The following SLC39A11 variants were observed in gnomAD, a reference collection of about 807,000 sequenced individuals.
SLC39A11 encodes the protein solute carrier family 39 member 11, also known as zinc transporter ZIP11.
In SLC39A11, 33 loss-of-function variants were observed where a neutral mutation model predicts 36.1. That is an observed-to-expected ratio of 0.91 (90% CI 0.69 to 1.22). The LOEUF (loss-of-function observed/expected upper bound fraction) is 1.22, where lower values mean the gene tolerates loss of function less well. Ranked by LOEUF, SLC39A11 falls within the 50% of genes most tolerant of loss-of-function variation. The pLI, the probability that SLC39A11 is intolerant of heterozygous loss-of-function variation, is 0.00. For missense variants in SLC39A11, 432 were observed against 430.3 expected, an observed-to-expected ratio of 1.00 and a Z score of -0.03; for synonymous variants, 166 against 170.3, an observed-to-expected ratio of 0.97 and a Z score of 0.20.
intron 3 of SLC39A11, among the ~76,000 whole-genome samples, chr17:73,080,955 A>AAAATAAATAAATAAAT (rs137991770): frequency 6.8e-6 from 1 of 146,908 alleles, no homozygotes; most frequent in East Asian, 2.0e-4. Context: ...AAAAAACAAT[A>AAAATAAATAAATAAAT]AAATAAATAA....
At chr17:73,050,992 G>A (rs1002387013) in intron 3 of SLC39A11, among the ~76,000 whole-genome samples, 5 of 152,216 alleles carry the variant, frequency 3.3e-5, no homozygotes, top group African/African-American at 4.8e-5. Flanking sequence ...GAATGTATTG[G>A]TTTCCTGGAG....
intron 5 of SLC39A11, among the ~76,000 whole-genome samples, chr17:72,869,594 G>A (rs2080497160): frequency 6.6e-6 from 1 of 152,146 alleles, no homozygotes; most frequent in African/African-American, 2.4e-5. Context: ...TGGCCAGGCT[G>A]GTTTCAAACT....
intron 7 of SLC39A11, among the ~76,000 whole-genome samples, chr17:72,672,956 A>G (rs1216363568): frequency 6.6e-6 from 1 of 151,954 alleles, no homozygotes; most frequent in Non-Finnish European, 1.5e-5. Flanking sequence ...ATTTGTTTAC[A>G]TATTATCTGT....
At chr17:72,744,273 G>A (rs183275245) in intron 6 of SLC39A11, among the ~76,000 whole-genome samples, 160 of 152,172 alleles carry the variant, frequency 1.1e-3, no homozygotes, top group Middle Eastern at 3.4e-3. Flanking sequence ...TTTGGTAGTC[G>A]GGGACTATCC....
chr17:72,990,347 C>A (rs1406321279), intron 4 of SLC39A11, among the ~76,000 whole-genome samples: 2 of 152,238 alleles, frequency 1.3e-5, no homozygotes, highest in South Asian at 2.1e-4. Flanking sequence ...AAGGAAAAAA[C>A]CCCCAGGAAG....
At chr17:73,088,622 C>A (rs979333521) in intron 2 of SLC39A11, 35 bp downstream of exon 2, 27 of 1,569,722 alleles carry the variant, frequency 1.7e-5, no homozygotes, top group East Asian at 2.3e-5. Flanking sequence ...AACGGGCTCC[C>A]CACCAACATC....
chr17:72,992,310 C>T (rs761496797), intron 4 of SLC39A11, among the ~76,000 whole-genome samples: 2 of 152,158 alleles, frequency 1.3e-5, no homozygotes, highest in Non-Finnish European at 2.9e-5. Flanking sequence ...GCCGAGATCA[C>T]GCCATTGCAC....
At chr17:72,802,948 G>A (rs1029170904) in intron 6 of SLC39A11, among the ~76,000 whole-genome samples, 3 of 152,206 alleles carry the variant, frequency 2.0e-5, no homozygotes, top group Admixed American at 6.5e-5. Flanking sequence ...GCCTGCTGGG[G>A]ACAAGCCAGC....
chr17:72,809,325 C>T (rs531637060), intron 6 of SLC39A11, among the ~76,000 whole-genome samples: 21 of 151,974 alleles, frequency 1.4e-4, no homozygotes, highest in Admixed American at 2.6e-4. Flanking sequence ...TTTCTCCTGC[C>T]GTGGTACAGG....
At chr17:72,960,795 G>A (rs2086561085) in intron 4 of SLC39A11, among the ~76,000 whole-genome samples, 2 of 151,646 alleles carry the variant, frequency 1.3e-5, no homozygotes, top group African/African-American at 4.8e-5. Context: ...AAGCAACATA[G>A]TGAGACCTTG....
At chr17:72,967,010 C>T (rs188425716) in intron 4 of SLC39A11, among the ~76,000 whole-genome samples, 61 of 152,248 alleles carry the variant, frequency 4.0e-4, no homozygotes, top group African/African-American at 1.1e-3. Flanking sequence ...CTAGGTTGCG[C>T]GTTCCTTATG....
chr17:72,747,460 G>T (rs981937721), intron 6 of SLC39A11, among the ~76,000 whole-genome samples: 1 of 152,186 alleles, frequency 6.6e-6, no homozygotes, highest in Admixed American at 6.5e-5. Flanking sequence ...CCAAGGACAA[G>T]CTCGGCTTTG....
chr17:72,837,862 G>A, intron 6 of SLC39A11: 1 of 986,966 alleles, frequency 1.0e-6, no homozygotes, highest in Non-Finnish European at 1.3e-6. Flanking sequence ...AGACAAAGTA[G>A]ATTAGTGCAG....
chr17:73,047,405 G>A (rs947214316), intron 3 of SLC39A11, among the ~76,000 whole-genome samples: 3 of 152,186 alleles, frequency 2.0e-5, no homozygotes, highest in South Asian at 2.1e-4. Context: ...TGTTGGGTAA[G>A]AGATTAACCT....
chr17:72,690,503 T>C (rs1046704009), intron 7 of SLC39A11, among the ~76,000 whole-genome samples: 4 of 152,228 alleles, frequency 2.6e-5, no homozygotes, highest in African/African-American at 9.6e-5. Context: ...CACGTACTTG[T>C]ACACACATGT....
At chr17:72,777,958 G>A (rs2076192668) in intron 6 of SLC39A11, among the ~76,000 whole-genome samples, 1 of 152,088 alleles carries the variant, frequency 6.6e-6, no homozygotes. Flanking sequence ...GGGCTGGAGT[G>A]CAGTGGTGCG....
chr17:73,004,860 C>T (rs1381850120), intron 4 of SLC39A11, among the ~76,000 whole-genome samples: 2 of 151,430 alleles, frequency 1.3e-5, no homozygotes, highest in African/African-American at 2.4e-5. Flanking sequence ...AAGGGGCCAT[C>T]GGCTCATGGA....
intron 7 of SLC39A11, among the ~76,000 whole-genome samples, chr17:72,729,418 TATATATATATATATATATATATATATATA>T (rs1567994255): frequency 0.032 from 99 of 3,056 alleles, 1 homozygote; most frequent in African/African-American, 0.079. Context: ...TATATATATA[TATATATATATATATATATATATATATATA>T]TATATATATA....
chr17:72,946,451 C>T (rs912313347), intron 5 of SLC39A11, among the ~76,000 whole-genome samples: 1 of 152,220 alleles, frequency 6.6e-6, no homozygotes, highest in Non-Finnish European at 1.5e-5. Flanking sequence ...AACTTTTGTA[C>T]ATTTGCTCTC....
Sources: gnomAD v4.1 joint callset for allele counts (sites outside exome capture counted in the v4.1 genomes callset) on GRCh38, gnomAD v4.1.1 for gene constraint, MANE v1.5 for transcripts, NCBI Gene and HGNC (gene_info 2026-07-23, HGNC 2026-07-21) for gene names.